Variants in CHCHD6 observed in about 807,000 individuals in gnomAD.
CHCHD6 encodes the protein coiled-coil-helix-coiled-coil-helix domain containing 6.
CHCHD6 carries 28 observed loss-of-function variants against 32.3 expected under a neutral mutation model. The observed-to-expected ratio is 0.87, with a 90% CI of 0.64 to 1.19. The LOEUF is 1.19. CHCHD6 is among the 50% of genes most tolerant of loss of function. The probability of loss-of-function intolerance (pLI) is 0.00; values close to 1 mark genes in which losing one functional copy is unlikely to be tolerated. For missense variants in CHCHD6, 333 were observed against 307.0 expected, an observed-to-expected ratio of 1.08 and a Z score of -0.63; for synonymous variants, 122 against 117.5, an observed-to-expected ratio of 1.04 and a Z score of -0.25.
At chr3:126,769,803 G>A (rs1032231756) in intron 4 of CHCHD6, among the ~76,000 whole-genome samples, 7 of 152,100 alleles carry the variant, frequency 4.6e-5, no homozygotes, top group South Asian at 2.1e-4. Context: ...ACCATACCTG[G>A]CCCAGGCTCT....
intron 6 of CHCHD6, among the ~76,000 whole-genome samples, chr3:126,943,826 A>G (rs930549633): frequency 1.3e-5 from 2 of 152,214 alleles, no homozygotes; most frequent in Admixed American, 1.3e-4. Context: ...TGGGGGGCCC[A>G]GGTCTTCTGG....
chr3:126,870,656 A>G (rs1303596374), intron 5 of CHCHD6, among the ~76,000 whole-genome samples: 1 of 152,188 alleles, frequency 6.6e-6, no homozygotes, highest in African/African-American at 2.4e-5. Context: ...GGGAAGCCAC[A>G]TTCCCACATT....
intron 7 of CHCHD6, 127 bp from the exon 8 acceptor site, chr3:126,960,069 G>T: frequency 9.2e-7 from 1 of 1,090,734 alleles, no homozygotes. Context: ...TGGGTCTCCA[G>T]GTGAGGAGGG....
rs1381812520 is a variant in CHCHD6, at chr3:126,811,237, G to T, written c.412-41410G>T. Among the ~76,000 whole-genome samples the T allele has an allele frequency of 3.9e-5, 6 of 152,112 alleles. No individual in the cohort carries two copies. The East Asian group carries it at 1.2e-3, about 29-fold the overall frequency. On this transcript the variant is annotated intron_variant, in intron 4 of 7. Transcript: ENST00000290913. The stretch of plus-strand genomic sequence containing the variant: ...CAAACTAAGCTATGCAGAATTAATT[G>T]AGCGAAACTAGCCTTGTATGTCAGT...
At chr3:126,706,875 C>A (rs1300795014) in intron 1 of CHCHD6, among the ~76,000 whole-genome samples, 1 of 152,140 alleles carries the variant, frequency 6.6e-6, no homozygotes, top group Non-Finnish European at 1.5e-5. Context: ...CAAAGAAGAT[C>A]TGCCCCAGCT....
At chr3:126,874,067 C>T (rs114611150) in intron 5 of CHCHD6, among the ~76,000 whole-genome samples, 1,555 of 152,270 alleles carry the variant, frequency 0.01, 28 homozygotes, top group African/African-American at 0.035. Flanking sequence ...CTCTGGATCC[C>T]GGGCCATGTC....
intron 5 of CHCHD6, among the ~76,000 whole-genome samples, chr3:126,874,718 A>G (rs1202095719): frequency 1.3e-5 from 2 of 151,878 alleles, no homozygotes; most frequent in Admixed American, 1.3e-4. Flanking sequence ...TGTTACCTGG[A>G]CCTTTGTGGT....
chr3:126,801,820 G>C (rs928413356), intron 4 of CHCHD6, among the ~76,000 whole-genome samples: 4 of 152,206 alleles, frequency 2.6e-5, no homozygotes, highest in Non-Finnish European at 5.9e-5. Context: ...CCCCCAGTAG[G>C]GGCAGACTGA....
chr3:126,907,460 C>T (rs972773671), intron 5 of CHCHD6, among the ~76,000 whole-genome samples: 40 of 152,270 alleles, frequency 2.6e-4, no homozygotes, highest in African/African-American at 8.7e-4. Flanking sequence ...ATTATTTGGA[C>T]CTTTTTAAAA....
intron 4 of CHCHD6, among the ~76,000 whole-genome samples, chr3:126,806,595 T>C (rs1939393423): frequency 6.6e-6 from 1 of 152,186 alleles, no homozygotes; most frequent in East Asian, 1.9e-4. Flanking sequence ...TTTACACTGT[T>C]GGTGGGACTG....
At chr3:126,883,437 G>A (rs1389843673) in intron 5 of CHCHD6, among the ~76,000 whole-genome samples, 1 of 152,220 alleles carries the variant, frequency 6.6e-6, no homozygotes, top group Non-Finnish European at 1.5e-5. Flanking sequence ...CCCAGCTGGT[G>A]TCTGCTGCAG....
intron 6 of CHCHD6, among the ~76,000 whole-genome samples, chr3:126,932,136 G>A (rs1033560590): frequency 1.3e-5 from 2 of 152,164 alleles, no homozygotes; most frequent in Non-Finnish European, 2.9e-5. Flanking sequence ...TCTTCTTTTA[G>A]AGGAGAGAGG....
At chr3:126,944,044 A>G (rs2078600150) in intron 6 of CHCHD6, among the ~76,000 whole-genome samples, 1 of 152,268 alleles carries the variant, frequency 6.6e-6, no homozygotes, top group African/African-American at 2.4e-5. Context: ...ACTCTTAGAT[A>G]TAATGCCAAA....
At chr3:126,889,792 G>T (rs2077730742) in intron 5 of CHCHD6, among the ~76,000 whole-genome samples, 1 of 152,238 alleles carries the variant, frequency 6.6e-6, no homozygotes, top group Non-Finnish European at 1.5e-5. Flanking sequence ...TTATGTGAAG[G>T]AGCCTGTTGC....
chr3:126,792,018 G>T (rs1938569760), intron 4 of CHCHD6, among the ~76,000 whole-genome samples: 1 of 152,056 alleles, frequency 6.6e-6, no homozygotes, highest in Non-Finnish European at 1.5e-5. Context: ...CGTTTTCGGG[G>T]TTCGTCCATG....
chr3:126,816,363 AAGGGCTTTAG>A (rs1422517033), intron 4 of CHCHD6, among the ~76,000 whole-genome samples: 12 of 152,190 alleles, frequency 7.9e-5, no homozygotes, highest in African/African-American at 2.7e-4. Flanking sequence ...AGGTGGTTGT[AAGGGCTTTAG>A]AGCCATTGTT....
At chr3:126,737,757 C>T (rs1454625168) in intron 4 of CHCHD6, among the ~76,000 whole-genome samples, 1 of 152,004 alleles carries the variant, frequency 6.6e-6, no homozygotes, top group Non-Finnish European at 1.5e-5. Context: ...AGGGGGCACT[C>T]TTGAGCAAAG....
At position 126,939,831 on chromosome 3, in the gene CHCHD6, G is replaced by A. The variant is rs74840577; in HGVS notation, c.567-17585G>A. On this transcript the variant is annotated intron_variant, in intron 6 of 7. Transcript: ENST00000290913. ...TCCCCTTCTCAGTCAAAAAATATTC[G>A]TTGAGTTCCTACAATATACAGGCAT... Among the ~76,000 whole-genome samples the A allele has an allele frequency of 5.4e-3, 824 of 152,192 alleles. 8 individuals are homozygous for A. Among genetic ancestry groups the A allele is most frequent in the African/African-American group, 0.014 (582 of 41,508 alleles).
At chr3:126,715,895 C>T (rs1934990243) in intron 1 of CHCHD6, among the ~76,000 whole-genome samples, 1 of 152,198 alleles carries the variant, frequency 6.6e-6, no homozygotes, top group Non-Finnish European at 1.5e-5. Flanking sequence ...CACGCTATTC[C>T]GTCCATTCCC....
Sources: allele counts gnomAD v4.1 joint callset (sites outside exome capture counted in the v4.1 genomes callset), GRCh38; gene constraint gnomAD v4.1.1; transcripts MANE v1.5; gene names NCBI Gene and HGNC (gene_info 2026-07-23, HGNC 2026-07-21).